The following TMEM272 variants were observed in gnomAD, a reference collection of about 807,000 sequenced individuals.
TMEM272 encodes transmembrane protein 272.
TMEM272 carries 8 observed loss-of-function variants against 3.7 expected under a neutral mutation model. The ratio of observed to expected loss-of-function variants is 2.17; its 90% CI spans 1.27 to 3.91. The LOEUF (loss-of-function observed/expected upper bound fraction) is 3.91. Among genes scored for constraint, TMEM272 ranks in the 30% most tolerant of loss-of-function variants. The probability of loss-of-function intolerance (pLI) is 0.00; values close to 1 mark genes in which losing one functional copy is unlikely to be tolerated. For synonymous variants in TMEM272, 63 were observed against 39.8 expected (o/e 1.58, Z -2.20); for missense variants, 166 against 91.5 (o/e 1.81, Z -3.32).
intron 3 of TMEM272, among the ~76,000 whole-genome samples, chr13:51,823,360 G>A (rs963163865): frequency 2.0e-5 from 3 of 152,242 alleles, no homozygotes; most frequent in Non-Finnish European, 2.9e-5. Flanking sequence ...TTACAGGCCT[G>A]AGCCACTGTG....
the TMEM272 span, among the ~76,000 whole-genome samples, chr13:51,900,377 A>G: frequency 6.6e-6 from 1 of 152,256 alleles, no homozygotes; most frequent in Non-Finnish European, 1.5e-5. Context: ...CCATGGAAAG[A>G]TGCTCAACAC....
chr13:51,889,632 G>GT, the TMEM272 span, among the ~76,000 whole-genome samples: 4 of 149,732 alleles, frequency 2.7e-5, no homozygotes, highest in Non-Finnish European at 5.9e-5. Flanking sequence ...TTTTGTGTGT[G>GT]TGTGGGGGGG....
chr13:51,871,730 A>G, the TMEM272 span, among the ~76,000 whole-genome samples: 1 of 150,840 alleles, frequency 6.6e-6, no homozygotes, highest in African/African-American at 2.4e-5. Context: ...TTATTTTTGT[A>G]AGCCACTAAG....
chr13:51,826,029 G>C, intron 3 of TMEM272, among the ~76,000 whole-genome samples: 1 of 151,212 alleles, frequency 6.6e-6, no homozygotes, highest in East Asian at 1.9e-4. Context: ...GCTACTTAAG[G>C]AGCTTCCCCC....
the TMEM272 span, among the ~76,000 whole-genome samples, chr13:51,864,014 G>A: frequency 6.6e-6 from 1 of 152,220 alleles, no homozygotes; most frequent in African/African-American, 2.4e-5. Context: ...GGATTGCTAT[G>A]GATAATTCTG....
rs1304282850 is a variant in TMEM272 at position 51,815,296 on chromosome 13, CA to C, written c.*1454del. On this transcript the variant is annotated 3_prime_UTR_variant, in exon 5 of 5. Coordinates refer to ENST00000629372, the MANE Select transcript of TMEM272 (RefSeq NM_001351003.2). ...AAAGGGCTGTTCTTCCTTTGTCCAG[CA>C]GATGGCACACCAAGCACTTTCTTCT... 6.5e-6 allele frequency: 1 copy of C among 152,680 alleles called. No homozygotes were observed. Among genetic ancestry groups the C allele is most frequent in the Non-Finnish European group, 1.5e-5 (1 of 68,090 alleles). 9.5% of individuals were successfully genotyped at this position (152,680 alleles called of 1,614,324 possible).
chr13:51,822,445 G>A (rs1382217716), intron 3 of TMEM272, among the ~76,000 whole-genome samples: 1 of 152,208 alleles, frequency 6.6e-6, no homozygotes, highest in East Asian at 1.9e-4. Flanking sequence ...TGAATAGCCA[G>A]TGTATGAGAA....
chr13:51,913,388 G>A, the TMEM272 span, among the ~76,000 whole-genome samples: 6 of 152,202 alleles, frequency 3.9e-5, no homozygotes, highest in Admixed American at 6.5e-5. Flanking sequence ...TGGGAGGGGT[G>A]TTCCTGAAAA....
At chr13:51,834,964 G>C (rs571539750) in intron 2 of TMEM272, among the ~76,000 whole-genome samples, 1 of 152,332 alleles carries the variant, frequency 6.6e-6, no homozygotes, top group South Asian at 2.1e-4. Context: ...GACAGAGAGA[G>C]TGCCAGATGG....
chr13:51,888,046 CTTTT>C, the TMEM272 span, among the ~76,000 whole-genome samples: 7 of 141,786 alleles, frequency 4.9e-5, no homozygotes, highest in Admixed American at 7.0e-5. Flanking sequence ...TTGACACAAT[CTTTT>C]TTTTTTTTTT....
the TMEM272 span, among the ~76,000 whole-genome samples, chr13:51,853,356 G>A: frequency 1.3e-5 from 2 of 152,190 alleles, no homozygotes; most frequent in Admixed American, 1.3e-4. Flanking sequence ...GTTGCAGTGA[G>A]CTGAGATCAT....
At chr13:51,886,188 C>T in the TMEM272 span, among the ~76,000 whole-genome samples, 2 of 152,132 alleles carry the variant, frequency 1.3e-5, no homozygotes, top group Admixed American at 1.3e-4. Context: ...AAGATTAATG[C>T]AGATGACAAG....
chr13:51,875,747 A>T, the TMEM272 span, among the ~76,000 whole-genome samples: 5 of 152,190 alleles, frequency 3.3e-5, no homozygotes, highest in Non-Finnish European at 7.3e-5. Flanking sequence ...GCATGAGCGC[A>T]AGCCCACATA....
chr13:51,830,477 T>C (rs116863566), intron 2 of TMEM272, among the ~76,000 whole-genome samples: 309 of 152,294 alleles, frequency 2.0e-3, no homozygotes, highest in Non-Finnish European at 3.7e-3. Context: ...AATGTCCTCA[T>C]TGCAAACATG....
At chr13:51,865,940 G>A in the TMEM272 span, 2 of 1,614,082 alleles carry the variant, frequency 1.2e-6, no homozygotes, top group South Asian at 1.1e-5. Context: ...CTGGGAGGAA[G>A]AGAATGCCCT....
the TMEM272 span, among the ~76,000 whole-genome samples, chr13:51,926,870 AATTTT>A: frequency 6.6e-6 from 1 of 152,198 alleles, no homozygotes; most frequent in East Asian, 1.9e-4. Context: ...AGATACATAT[AATTTT>A]ATCTATCAAT....
At chr13:51,915,259 C>T in the TMEM272 span, among the ~76,000 whole-genome samples, 34 of 152,142 alleles carry the variant, frequency 2.2e-4, no homozygotes, top group Admixed American at 2.2e-3. Flanking sequence ...GTTTCATTAT[C>T]GATAGTTGGA....
chr13:51,898,362 G>A, the TMEM272 span, among the ~76,000 whole-genome samples: 1 of 152,092 alleles, frequency 6.6e-6, no homozygotes, highest in East Asian at 1.9e-4. Flanking sequence ...CACTAATGCA[G>A]GATATTGTTC....
the TMEM272 span, chr13:51,866,093 T>C: frequency 6.5e-7 from 1 of 1,549,904 alleles, no homozygotes; most frequent in Non-Finnish European, 8.7e-7. Flanking sequence ...AGCATGCAGG[T>C]GCAGGGCCCT....
Sources: gnomAD v4.1 joint callset for allele counts (sites outside exome capture counted in the v4.1 genomes callset) on GRCh38, gnomAD v4.1.1 for gene constraint, MANE v1.5 for transcripts, NCBI Gene and HGNC (gene_info 2026-07-23, HGNC 2026-07-21) for gene names.